PDE1C: variants seen among roughly 807,000 people sequenced by gnomAD.
PDE1C encodes the protein phosphodiesterase 1C, also known as dual specificity calcium/calmodulin-dependent 3',5'-cyclic nucleotide phosphodiesterase 1C.
A neutral mutation model predicts 93.1 loss-of-function variants in PDE1C; 62 were observed. That is an observed-to-expected ratio of 0.67 (90% CI 0.54 to 0.82). The LOEUF is 0.82. PDE1C is among the 40% of genes least tolerant of loss of function. The pLI is 0.00. For synonymous variants in PDE1C, 325 were observed against 310.1 expected (o/e 1.05, Z -0.50); for missense variants, 742 against 884.6 (o/e 0.84, Z 2.04).
intron 2 of PDE1C, among the ~76,000 whole-genome samples, chr7:32,198,963 A>AG (rs1804810703): frequency 1.3e-5 from 2 of 152,072 alleles, no homozygotes; most frequent in African/African-American, 2.4e-5. Flanking sequence ...CTGAAAAAAA[A>AG]AATACAACAA....
At chr7:31,672,616 A>T in the PDE1C span, among the ~76,000 whole-genome samples, 107,647 of 151,428 alleles carry the variant, frequency 0.71, 38,470 homozygotes, top group East Asian at 0.82. Flanking sequence ...CTATTTTTCT[A>T]TTAAGTACAT....
At chr7:31,707,300 A>G in the PDE1C span, 9 of 1,603,628 alleles carry the variant, frequency 5.6e-6, no homozygotes, top group African/African-American at 1.1e-4. Flanking sequence ...TTCCCCTGAG[A>G]CCACTTGTAA....
Position 31,751,482 on chromosome 7 carries a change from G to T in PDE1C, c.*1902C>A, listed in dbSNP as rs1378654825. 1 of 152,124 alleles carries T rather than the reference G, an allele frequency of 6.6e-6. No homozygotes were observed. Among genetic ancestry groups the T allele is most frequent in the Non-Finnish European group, 1.5e-5 (1 of 68,026 alleles). The allele number at this position is 152,124 out of a possible 1,614,324, so 9.4% of individuals were successfully genotyped here. On this transcript the variant is annotated 3_prime_UTR_variant, in exon 18 of 18. Transcript: ENST00000396191. The stretch of plus-strand genomic sequence containing the variant: ...CAGATAGGTAGGGAACATTATTTGA[G>T]GAGGCTACTACTCCCATGGGCCTCC...
the PDE1C span, among the ~76,000 whole-genome samples, chr7:31,659,373 G>A: frequency 1.3e-5 from 2 of 152,162 alleles, no homozygotes; most frequent in Non-Finnish European, 2.9e-5. Context: ...ACATTGGAAG[G>A]AGAGGTTTCC....
chr7:31,674,503 A>G, the PDE1C span, among the ~76,000 whole-genome samples: 1 of 152,208 alleles, frequency 6.6e-6, no homozygotes, highest in Admixed American at 6.5e-5. Context: ...ATCAGGGAAT[A>G]TATCTTGCTA....
intron 2 of PDE1C, among the ~76,000 whole-genome samples, chr7:32,042,159 G>A (rs1791909562): frequency 6.6e-6 from 1 of 152,146 alleles, no homozygotes; most frequent in Non-Finnish European, 1.5e-5. Flanking sequence ...AAGTAGCTGG[G>A]CATGATGGCA....
intron 2 of PDE1C, among the ~76,000 whole-genome samples, chr7:32,021,118 G>C (rs760885024): frequency 5.3e-5 from 8 of 152,070 alleles, no homozygotes; most frequent in Non-Finnish European, 1.2e-4. Flanking sequence ...CCATAGAACT[G>C]GTTTGCCCCT....
At chr7:31,748,895 A>G (rs1262578805), downstream of PDE1C, among the ~76,000 whole-genome samples, 1 of 152,248 alleles carries the variant, frequency 6.6e-6, no homozygotes, top group Non-Finnish European at 1.5e-5. Flanking sequence ...AAATGGATCA[A>G]AGAGAATATA....
chr7:32,159,246 G>T (rs1371649026), intron 3 of PDE1C, among the ~76,000 whole-genome samples: 1 of 152,148 alleles, frequency 6.6e-6, no homozygotes, highest in Non-Finnish European at 1.5e-5. Context: ...TGTTATCAGA[G>T]AAATTTTAAT....
chr7:32,105,569 C>T lies in PDE1C; in HGVS notation c.308+64216G>A, dbSNP rs532075998. ...AGGGAGAAGGACATACACTCCTCTTCCCCGTTAGCTCCCAGAATGTTGGCA... is the reference window on the plus strand; with the variant it reads ...AGGGAGAAGGACATACACTCCTCTTTCCCGTTAGCTCCCAGAATGTTGGCA... On this transcript the variant is annotated intron_variant, in intron 3 of 18. Transcript: ENST00000396193. 2.0e-5 allele frequency among the ~76,000 whole-genome samples: 3 copies of T among 152,174 alleles called. No individual in the cohort carries two copies. In the South Asian group the frequency reaches 6.2e-4, roughly 32 times the overall value.
At chr7:31,900,163 C>A (rs1268596191) in intron 2 of PDE1C, among the ~76,000 whole-genome samples, 1 of 152,126 alleles carries the variant, frequency 6.6e-6, no homozygotes, top group Non-Finnish European at 1.5e-5. Context: ...AGAAAAATCC[C>A]TAGCCTATCA....
intron 3 of PDE1C, among the ~76,000 whole-genome samples, chr7:32,159,032 T>C (rs1430860790): frequency 6.6e-6 from 1 of 152,182 alleles, no homozygotes; most frequent in East Asian, 1.9e-4. Context: ...ATGTCCACCA[T>C]AATCCAGGGT....
chr7:32,062,298 C>G (rs767965705), intron 1 of PDE1C, among the ~76,000 whole-genome samples: 2 of 152,212 alleles, frequency 1.3e-5, no homozygotes, highest in Non-Finnish European at 2.9e-5. Context: ...GTTCTCACAT[C>G]CATGCCTACT....
intron 2 of PDE1C, among the ~76,000 whole-genome samples, chr7:32,201,167 A>G (rs1804984858): frequency 6.6e-6 from 1 of 152,232 alleles, no homozygotes; most frequent in South Asian, 2.1e-4. Flanking sequence ...TTAACTGTGC[A>G]TTTAAAAGCA....
chr7:32,251,755 T>C lies in PDE1C; in HGVS notation c.86-42216A>G, dbSNP rs372771213. 4.9e-4 allele frequency among the ~76,000 whole-genome samples: 75 copies of C among 152,316 alleles called. 1 individual carries two copies. The East Asian group carries it at 0.012, about 25-fold the overall frequency. ...CCCTTTGCTCTTTCTCCATTCTCCATTTTCCACCATGTCTGCCCTTAAACC... is the reference window on the plus strand; with the variant it reads ...CCCTTTGCTCTTTCTCCATTCTCCACTTTCCACCATGTCTGCCCTTAAACC... On this transcript the variant is annotated intron_variant, in intron 1 of 18. Coordinates refer to the PDE1C transcript ENST00000396193.
intron 15 of PDE1C, among the ~76,000 whole-genome samples, chr7:31,811,239 A>G (rs1315415214): frequency 6.6e-6 from 1 of 152,082 alleles, no homozygotes; most frequent in Non-Finnish European, 1.5e-5. Context: ...CCACCATGTA[A>G]GATGTGCCTT....
intron 7 of PDE1C, among the ~76,000 whole-genome samples, chr7:31,851,296 G>T (rs993908250): frequency 4.6e-5 from 7 of 152,256 alleles, no homozygotes; most frequent in Non-Finnish European, 1.5e-5. Flanking sequence ...GTGGGTCAGT[G>T]GTTCACAAAA....
intron 16 of PDE1C, chr7:31,789,370 A>C (rs987726873): frequency 6.6e-6 from 1 of 152,282 alleles, no homozygotes; most frequent in African/African-American, 2.4e-5. Context: ...CCCTGATACT[A>C]ATTCCCTTAG....
At chr7:32,001,659 T>C (rs192076876) in intron 2 of PDE1C, among the ~76,000 whole-genome samples, 2 of 152,130 alleles carry the variant, frequency 1.3e-5, no homozygotes, top group Non-Finnish European at 2.9e-5. Flanking sequence ...ATCTCCATTT[T>C]GCAGATGACG....
Sources: allele counts gnomAD v4.1 joint callset (sites outside exome capture counted in the v4.1 genomes callset), GRCh38; gene constraint gnomAD v4.1.1; transcripts MANE v1.5; gene names NCBI Gene and HGNC (gene_info 2026-07-23, HGNC 2026-07-21).